Variants in FOXP2 observed in about 807,000 individuals in gnomAD.
The protein encoded by FOXP2 is forkhead box P2.
Under a neutral mutation model 115.8 loss-of-function variants are expected in FOXP2, and 12 were observed. That is an observed-to-expected ratio of 0.10 (90% CI 0.07 to 0.17). FOXP2 has a LOEUF of 0.17. Among genes scored for constraint, FOXP2 ranks in the 10% least tolerant of loss-of-function variants. FOXP2 has a pLI of 1.00. For synonymous variants in FOXP2, 328 were observed against 297.7 expected (o/e 1.10, Z -1.05); for missense variants, 629 against 843.5 (o/e 0.75, Z 3.15).
intron 2 of FOXP2, among the ~76,000 whole-genome samples, chr7:114,390,522 G>GTATTTATGTATGTATT (rs144084916): frequency 6.1e-5 from 9 of 148,364 alleles, no homozygotes; most frequent in South Asian, 2.2e-4. Flanking sequence ...TTTTATTTAT[G>GTATTTATGTATGTATT]TATTTATTTA....
chr7:114,207,791 A>C (rs1341270027), intron 1 of FOXP2, among the ~76,000 whole-genome samples: 1 of 152,228 alleles, frequency 6.6e-6, no homozygotes, highest in Non-Finnish European at 1.5e-5. Context: ...ATTACTCTAC[A>C]ATAGGACCTA....
rs76635188 is a variant in FOXP2 at position 114,369,752 on chromosome 7, G to A, written c.-10-56750G>A. Among the ~76,000 whole-genome samples, 666 of 151,932 alleles carry A rather than the reference G, an allele frequency of 4.4e-3. 7 individuals carry two copies. Among genetic ancestry groups the A allele is most frequent in the African/African-American group, 0.015 (633 of 41,460 alleles). ...AAGCCCCTATCAACAGATTTTTAAG[G>A]CATTGTATAACATATTAAATTTTAT... is the stretch of plus-strand genomic sequence containing the variant. On this transcript the variant is annotated intron_variant, in intron 2 of 17. Coordinates refer to the FOXP2 transcript ENST00000634411.
chr7:114,673,119 G>A (rs987237075), intron 16 of FOXP2, among the ~76,000 whole-genome samples: 1 of 152,232 alleles, frequency 6.6e-6, no homozygotes, highest in Non-Finnish European at 1.5e-5. Context: ...TTGGATTAAT[G>A]ATTCAAAGGA....
chr7:114,603,740 A>G (rs1803156528), intron 3 of FOXP2, among the ~76,000 whole-genome samples: 1 of 152,178 alleles, frequency 6.6e-6, no homozygotes, highest in Non-Finnish European at 1.5e-5. Context: ...AAAAATTTTG[A>G]TTATTACGAG....
intron 2 of FOXP2, among the ~76,000 whole-genome samples, chr7:114,490,595 G>A (rs1257065649): frequency 1.3e-5 from 2 of 151,996 alleles, no homozygotes; most frequent in Non-Finnish European, 2.9e-5. Flanking sequence ...ATGTTGGTGT[G>A]CTGCACCCAT....
At chr7:114,396,902 T>C (rs1347349167) in intron 2 of FOXP2, among the ~76,000 whole-genome samples, 1 of 152,120 alleles carries the variant, frequency 6.6e-6, no homozygotes, top group East Asian at 1.9e-4. Context: ...GCTTTAGTCA[T>C]TCCACAAGGT....
At chr7:114,457,830 A>G (rs537637490) in intron 2 of FOXP2, among the ~76,000 whole-genome samples, 28 of 151,604 alleles carry the variant, frequency 1.8e-4, no homozygotes, top group Non-Finnish European at 2.9e-4. Context: ...CCCAGGAGGC[A>G]GAGCTCGCAG....
At chr7:114,496,188 A>C (rs768829788) in intron 2 of FOXP2, among the ~76,000 whole-genome samples, 4 of 152,178 alleles carry the variant, frequency 2.6e-5, no homozygotes, top group Non-Finnish European at 5.9e-5. Flanking sequence ...ACTGTTTTGA[A>C]AAAGAAAAAT....
chr7:114,311,094 A>C (rs1382564885), intron 2 of FOXP2, among the ~76,000 whole-genome samples: 3 of 152,112 alleles, frequency 2.0e-5, no homozygotes, highest in East Asian at 3.9e-4. Context: ...TCTATATATT[A>C]GGAGACTGCC....
At chr7:114,588,354 T>C (rs957799366) in intron 3 of FOXP2, among the ~76,000 whole-genome samples, 2 of 151,642 alleles carry the variant, frequency 1.3e-5, no homozygotes, top group Non-Finnish European at 1.5e-5. Flanking sequence ...ACAAAAAAAC[T>C]TTAAAGGAAC....
chr7:114,664,195 T>A, intron 15 of FOXP2, 78 bp from the exon 16 acceptor site: 3 of 1,471,356 alleles, frequency 2.0e-6, no homozygotes, highest in Non-Finnish European at 2.8e-6. Flanking sequence ...TTGGAACCCA[T>A]TAAAAGAAGA....
chr7:114,349,374 G>A (rs923964465), intron 2 of FOXP2, among the ~76,000 whole-genome samples: 1 of 152,100 alleles, frequency 6.6e-6, no homozygotes, highest in African/African-American at 2.4e-5. Context: ...TAGAGATGAG[G>A]AAGATGAGGC....
intron 16 of FOXP2, among the ~76,000 whole-genome samples, chr7:114,676,013 G>A (rs551643603): frequency 1.7e-4 from 26 of 150,528 alleles, no homozygotes; most frequent in African/African-American, 6.1e-4. Context: ...CAGTTCAGGC[G>A]ATTCTCTTGC....
At chr7:114,123,487 A>C (rs1029111219) in intron 1 of FOXP2, among the ~76,000 whole-genome samples, 3 of 152,088 alleles carry the variant, frequency 2.0e-5, no homozygotes, top group African/African-American at 7.2e-5. Flanking sequence ...CAAAATTGTA[A>C]TGAAAGTACC....
rs1808737824 is a variant in FOXP2 at position 114,692,804 on chromosome 7, A to G, written c.*2878A>G. 4.5e-6 allele frequency: 2 copies of G among 447,276 alleles called. No homozygotes were observed. Among genetic ancestry groups the G allele is most frequent in the African/African-American group, 2.0e-5 (1 of 49,578 alleles). 27.7% of individuals were successfully genotyped at this position (447,276 alleles called of 1,614,324 possible). A position where few individuals can be genotyped will look rare whatever the true frequency, so the allele number is the denominator to read the frequency against. Reference sequence around the variant, plus strand: ...CTGTAGCACAAACATCTGTTTATGTATTGGTGGAATATACCTGTTTTATTT... The same window carrying G: ...CTGTAGCACAAACATCTGTTTATGTGTTGGTGGAATATACCTGTTTTATTT... On this transcript the variant is annotated 3_prime_UTR_variant, in exon 17 of 17. Transcript: ENST00000350908.
rs148452874 is a variant in FOXP2, at chr7:114,384,351, G to A, written c.-10-42151G>A. ...CTTATGCAAATTCATTTCAGAGAGG[G>A]TATAGCTAACCTTTTGAGTCAGGAT... On this transcript the variant is annotated intron_variant, in intron 2 of 17. Transcript: ENST00000634411. Among the ~76,000 whole-genome samples, 560 of 152,302 alleles carry A rather than the reference G, an allele frequency of 3.7e-3. 2 individuals carry two copies. Among genetic ancestry groups the A allele is most frequent in the South Asian group, 0.016 (77 of 4,826 alleles).
intron 1 of FOXP2, among the ~76,000 whole-genome samples, chr7:114,195,493 A>C (rs978666574): frequency 6.6e-6 from 1 of 152,138 alleles, no homozygotes; most frequent in African/African-American, 2.4e-5. Context: ...TACATAAGTA[A>C]TGTATTAGAT....
intron 2 of FOXP2, among the ~76,000 whole-genome samples, chr7:114,506,421 T>A (rs1797821677): frequency 6.6e-6 from 1 of 151,686 alleles, no homozygotes. Flanking sequence ...ATTATATAAG[T>A]ATACTTTCAT....
chr7:114,241,642 T>C (rs1382639616), intron 1 of FOXP2, among the ~76,000 whole-genome samples: 3 of 151,976 alleles, frequency 2.0e-5, no homozygotes, highest in Non-Finnish European at 4.4e-5. Flanking sequence ...TGTGAAAATA[T>C]GTGGTGAACT....
Sources: allele counts gnomAD v4.1 joint callset (sites outside exome capture counted in the v4.1 genomes callset), GRCh38; gene constraint gnomAD v4.1.1; transcripts MANE v1.5; gene names NCBI Gene and HGNC (gene_info 2026-07-23, HGNC 2026-07-21).